DNAH17: variants seen among roughly 807,000 people sequenced by gnomAD.
DNAH17 encodes axonemal beta dynein heavy chain 17.
Under a neutral mutation model 485.6 loss-of-function variants are expected in DNAH17, and 376 were observed. The observed-to-expected ratio is 0.77, with a 90% CI of 0.71 to 0.84. DNAH17 has a LOEUF of 0.84. Among genes scored for constraint, DNAH17 ranks in the 40% least tolerant of loss-of-function variants. The pLI is 0.00. For synonymous variants in DNAH17, 3,031 were observed against 2,405.9 expected, an observed-to-expected ratio of 1.26 and a Z score of -7.60; for missense variants, 6,370 against 5,839.3, an observed-to-expected ratio of 1.09 and a Z score of -2.96.
chr17:78,571,129 A>G, intron 5 of DNAH17, 96 bp from the exon 6 acceptor site: 1 of 1,312,200 alleles, frequency 7.6e-7, no homozygotes, highest in Middle Eastern at 1.8e-4. Flanking sequence ...CTGCTCCTTC[A>G]GGAAATGGGG....
rs758631895 is a variant in DNAH17 at position 78,454,519 on chromosome 17, T to A, written c.10357A>T (p.Lys3453Ter). 3.2e-5 allele frequency: 51 copies of A among 1,613,508 alleles called. No individual in the cohort carries two copies. The highest frequency in any genetic ancestry group is 4.1e-5 in the Non-Finnish European group (48 of 1,179,872). ...TTCAGTTCACTCCTGTATTTGTTTT[T>A]GATCCACTTGATTCCTTGGAGCTGG... The part of the protein sequence containing the change: ...DAQLQGIKWI[K>*]NKYRSELKAI... Residue 3453 changes from lysine to a stop codon, truncating the protein, a stop_gained, in exon 64 of 81, where the codon AAA becomes TAA. Transcript: ENST00000389840. LOFTEE classifies it high-confidence loss of function.
chr17:78,501,625 AAC>A (rs2090293615), intron 34 of DNAH17, 115 bp downstream of exon 34: 3 of 1,424,864 alleles, frequency 2.1e-6, no homozygotes, highest in African/African-American at 1.4e-5. Flanking sequence ...TGCAGCCAGC[AAC>A]AGAGTCAGTG....
intron 51 of DNAH17, among the ~76,000 whole-genome samples, chr17:78,478,002 TCATCACCATCATCAC>T (rs1568117317): frequency 1.1e-5 from 1 of 88,528 alleles, no homozygotes; most frequent in Non-Finnish European, 2.0e-5. Context: ...ACCACCACCA[TCATCACCATCATCAC>T]CATCACCACC....
At chr17:78,427,841 C>T (rs141493157) in intron 77 of DNAH17, among the ~76,000 whole-genome samples, 283 of 152,168 alleles carry the variant, frequency 1.9e-3, no homozygotes, top group African/African-American at 5.4e-3. Flanking sequence ...TGGTGGCAGG[C>T]GCCTGTAATC....
In DNAH17 at chr17:78,441,840, T is replaced by TA. The variant is rs562955841; in HGVS notation, c.11529-642_11529-641insT. ...TGGCTCATGCCTGTAATCTCAGCACTTTGGGAGGCCAAGGAGGGCAGATCA... is the reference window on the plus strand; with the variant it reads ...TGGCTCATGCCTGTAATCTCAGCACTATTGGGAGGCCAAGGAGGGCAGATCA... On this transcript the variant is annotated intron_variant, in intron 71 of 80. Transcript: ENST00000389840. Among the ~76,000 whole-genome samples, 399 of 152,266 alleles carry TA rather than the reference T, an allele frequency of 2.6e-3. 4 individuals are homozygous for TA. The highest frequency in any genetic ancestry group is 0.024 in the Admixed American group (363 of 15,296).
chr17:78,548,784 G>A (rs1033425091), intron 16 of DNAH17, among the ~76,000 whole-genome samples: 3 of 152,244 alleles, frequency 2.0e-5, no homozygotes, highest in African/African-American at 7.2e-5. Context: ...TCACTAAGCT[G>A]GGGAGCTAGA....
At chr17:78,571,561 G>A (rs774782290) in intron 4 of DNAH17, 29 bp downstream of exon 4, 3 of 1,612,000 alleles carry the variant, frequency 1.9e-6, no homozygotes, top group Admixed American at 3.3e-5. Context: ...GGACGAGGCT[G>A]CAGCCCCACA....
chr17:78,475,861 T>G (rs758002333), intron 52 of DNAH17, 28 bp from the exon 53 acceptor site: 1 of 1,605,324 alleles, frequency 6.2e-7, no homozygotes, highest in Non-Finnish European at 8.5e-7. Context: ...AAGACGATAC[T>G]TCCGGTTTTT....
At chr17:78,484,661 G>C in intron 48 of DNAH17, 1 of 379,652 alleles carries the variant, frequency 2.6e-6, no homozygotes, top group South Asian at 4.0e-5. Context: ...CCCCTACCCT[G>C]GCCCTACCTC....
intron 54 of DNAH17, among the ~76,000 whole-genome samples, chr17:78,472,968 C>G (rs746928399): frequency 4.7e-4 from 72 of 152,326 alleles, no homozygotes; most frequent in Admixed American, 5.2e-4. Context: ...AAGCCCAGGG[C>G]TTTTCACACG....
At chr17:78,556,384 C>T (rs977039823) in intron 14 of DNAH17, among the ~76,000 whole-genome samples, 1 of 152,146 alleles carries the variant, frequency 6.6e-6, no homozygotes, top group African/African-American at 2.4e-5. Context: ...AGGAGGCAGC[C>T]CAGCGGATGC....
intron 48 of DNAH17, among the ~76,000 whole-genome samples, chr17:78,483,256 G>A (rs1331741125): frequency 6.6e-6 from 1 of 152,224 alleles, no homozygotes; most frequent in East Asian, 1.9e-4. Flanking sequence ...GCCCAGAGTA[G>A]GCTTCCTATA....
Position 78,455,619 on chromosome 17 carries a change from G to A in DNAH17, c.10170+25C>T, listed in dbSNP as rs551347629. 1.0e-5 allele frequency: 15 copies of A among 1,502,678 alleles called. No individual in the cohort carries two copies. In the Admixed American group the frequency reaches 1.1e-4, roughly 11 times the overall value. 93.1% of individuals were successfully genotyped at this position (1,502,678 alleles called of 1,614,324 possible). On this transcript the variant is annotated intron_variant, in intron 63 of 80. Coordinates refer to ENST00000389840, the MANE Select transcript of DNAH17 (RefSeq NM_173628.4). ...TGGCATTACAGGCGTGAGCCACCGC[G>A]CCTGGCCAGGACTCCACTCCTTACC...
At chr17:78,556,352 A>ACCAT (rs2092023289) in intron 14 of DNAH17, among the ~76,000 whole-genome samples, 1 of 152,198 alleles carries the variant, frequency 6.6e-6, no homozygotes, top group Admixed American at 6.5e-5. Flanking sequence ...AAGGAGACAG[A>ACCAT]CCATCCCCTT....
At chr17:78,455,620 C>A in intron 63 of DNAH17, 24 bp downstream of exon 63, 1 of 1,507,160 alleles carries the variant, frequency 6.6e-7, no homozygotes, top group Non-Finnish European at 8.9e-7. Flanking sequence ...AGCCACCGCG[C>A]CTGGCCAGGA....
At position 78,444,701 on chromosome 17, in the gene DNAH17, T is replaced by A; in HGVS notation, c.11431A>T (p.Lys3811Ter). 1 of 1,608,764 alleles carries A rather than the reference T, an allele frequency of 6.2e-7. No individual in the cohort carries two copies. Among genetic ancestry groups the A allele is most frequent in the Non-Finnish European group, 8.5e-7 (1 of 1,178,364 alleles). ...KKLVESEAPEKEIFPKEWKNK... is the reference protein window; with the variant it reads ...KKLVESEAPE Reference sequence around the variant, plus strand: ...TTCCACTCCTTGGGGAAGATCTCCTTCTCGGGGGCTTCCGACTCCACCAGC... The same window carrying A: ...TTCCACTCCTTGGGGAAGATCTCCTACTCGGGGGCTTCCGACTCCACCAGC... Residue 3811 changes from lysine (K) to a stop codon, truncating the protein, a stop_gained, in exon 71 of 81, where the codon AAG (lysine) becomes TAG (stop). Transcript: ENST00000389840. LOFTEE classifies it high-confidence loss of function.
intron 31 of DNAH17, 148 bp downstream of exon 31, chr17:78,505,145 T>C (rs1393269315): frequency 1.9e-6 from 2 of 1,041,776 alleles, no homozygotes; most frequent in East Asian, 2.6e-5. Flanking sequence ...CTTAAGTGTT[T>C]TCTAGAGAGG....
At chr17:78,502,278 T>C (rs2090323839) in intron 33 of DNAH17, 1 of 336,918 alleles carries the variant, frequency 3.0e-6, no homozygotes, top group East Asian at 6.1e-5. Flanking sequence ...CTTTTCAAGA[T>C]GATCTTTTGT....
chr17:78,544,071 CT>C, intron 16 of DNAH17, 74 bp from the exon 17 acceptor site: 1 of 1,599,196 alleles, frequency 6.3e-7, no homozygotes, highest in South Asian at 1.1e-5. Flanking sequence ...TTGCTGTGTG[CT>C]TTTGATGTGA....
Sources: gnomAD v4.1 joint callset for allele counts (sites outside exome capture counted in the v4.1 genomes callset) on GRCh38, gnomAD v4.1.1 for gene constraint, MANE v1.5 for transcripts, NCBI Gene and HGNC (gene_info 2026-07-23, HGNC 2026-07-21) for gene names.